VWF: variants seen among roughly 807,000 people sequenced by gnomAD.
VWF encodes the protein Factor VIII related antigen.
A neutral mutation model predicts 308.6 loss-of-function variants in VWF; 176 were observed. That is an observed-to-expected ratio of 0.57 (90% CI 0.50 to 0.65). The LOEUF is 0.65. VWF is among the 30% of genes least tolerant of loss of function. VWF has a pLI of 0.00. For missense variants in VWF, 3,146 were observed against 3,648.2 expected (o/e 0.86, Z 3.55); for synonymous variants, 1,385 against 1,443.4 (o/e 0.96, Z 0.92).
chr12:6,079,082 A>C (rs1226507196), intron 6 of VWF, among the ~76,000 whole-genome samples: 1 of 152,202 alleles, frequency 6.6e-6, no homozygotes, highest in South Asian at 2.1e-4. Context: ...CAAAAGATAA[A>C]GTCTGTCCTC....
intron 6 of VWF, among the ~76,000 whole-genome samples, chr12:6,092,975 C>T (rs1380523715): frequency 6.6e-6 from 1 of 151,914 alleles, no homozygotes; most frequent in East Asian, 1.9e-4. Flanking sequence ...TCTATTCCAC[C>T]CCTTTCTCCC....
At chr12:6,059,474 T>C (rs946980582) in intron 13 of VWF, among the ~76,000 whole-genome samples, 1 of 152,200 alleles carries the variant, frequency 6.6e-6, no homozygotes. Flanking sequence ...CTGCGTGGCT[T>C]ATAGACAACT....
intron 18 of VWF, among the ~76,000 whole-genome samples, chr12:6,042,268 C>T (rs948441667): frequency 6.6e-6 from 1 of 152,098 alleles, no homozygotes; most frequent in Non-Finnish European, 1.5e-5. Flanking sequence ...CAGAAGAATG[C>T]AGAATCCGTG....
At chr12:5,991,773 C>T in intron 38 of VWF, 46 bp downstream of exon 38, 1 of 1,605,794 alleles carries the variant, frequency 6.2e-7, no homozygotes, top group Non-Finnish European at 8.5e-7. Flanking sequence ...CCTTTTGACC[C>T]AAGAGGGAAG....
chr12:6,061,792 G>A (rs1252481152), intron 13 of VWF, among the ~76,000 whole-genome samples: 1 of 152,194 alleles, frequency 6.6e-6, no homozygotes, highest in Non-Finnish European at 1.5e-5. Context: ...GACGCTATTT[G>A]CCTTTTCCCT....
At chr12:5,952,219 G>A in intron 49 of VWF, 172 bp downstream of exon 49, 1 of 971,700 alleles carries the variant, frequency 1.0e-6, no homozygotes, top group Non-Finnish European at 1.6e-6. Context: ...ATATTGCAGA[G>A]AATTTTATCT....
At chr12:6,087,853 C>T (rs1294459358) in intron 6 of VWF, among the ~76,000 whole-genome samples, 7 of 152,062 alleles carry the variant, frequency 4.6e-5, no homozygotes, top group East Asian at 1.9e-4. Context: ...AGACAGCTGT[C>T]GGAGGTTGCT....
chr12:6,064,629 C>T (rs1163490241), intron 11 of VWF, among the ~76,000 whole-genome samples: 3 of 152,204 alleles, frequency 2.0e-5, no homozygotes. Context: ...TTATAAAGAA[C>T]CATGGGCCTC....
At position 6,057,949 on chromosome 12, in the gene VWF, C is replaced by A; in HGVS notation, c.1629G>T (p.Glu543Asp). 1 of 1,613,738 alleles carries A rather than the reference C, an allele frequency of 6.2e-7. No homozygotes were observed. Among genetic ancestry groups the A allele is most frequent in the Non-Finnish European group, 8.5e-7 (1 of 1,180,030 alleles). ...DDFLTPSGLA[E>D]PRVEDFGNAW... The stretch of plus-strand genomic sequence containing the variant: ...CGTTCCCGAAGTCCTCCACCCGGGG[C>A]TCCGCCAGCCCAGAGGGGGTAAGGA... Residue 543 changes from glutamate (E) to aspartate (D), a missense_variant, in exon 14 of 52, where the codon GAG becomes GAT. Physicochemically the swap from Glu to Asp is conservative, Grantham distance 45 (BLOSUM62 2). This residue lies in a region of VWF where 1,304 missense variants were observed against 1,353.0 expected (regional missense o/e 0.96). Coordinates refer to ENST00000261405, the MANE Select transcript of VWF (RefSeq NM_000552.5).
At position 6,019,739 on chromosome 12, in the gene VWF, A is replaced by G. The variant is rs61749366; in HGVS notation, c.3679T>C (p.Cys1227Arg). 6.2e-7 allele frequency: 1 copy of G among 1,612,164 alleles called. No homozygotes were observed. The highest frequency in any genetic ancestry group is 8.5e-7 in the Non-Finnish European group (1 of 1,179,172). The part of the protein sequence containing the change: ...SDPEHCQICH[C>R]DVVNLTCEAC... ...TCACAGGTGAGGTTGACAACATCAC[A>G]GTGGCTGCAGAAAAGAGCGAAGAAA... is the stretch of plus-strand genomic sequence containing the variant. The change falls in exon 28 of 52, where the codon TGT becomes CGT. Residue 1227 changes from cysteine (C) to arginine (R), a missense_variant. By Grantham distance (180) the Cys-to-Arg change is radical. Around this residue, in one of 3 missense-constraint regions of VWF, gnomAD observed 853 missense variants for 1,177.8 expected, o/e 0.72. Transcript: ENST00000261405. The surrounding 1 kb of genome is among the most constrained non-coding windows in gnomAD (Gnocchi z 5.8).
intron 5 of VWF, among the ~76,000 whole-genome samples, chr12:6,103,313 C>T (rs1185015200): frequency 3.3e-5 from 5 of 150,262 alleles, no homozygotes; most frequent in South Asian, 4.2e-4. Context: ...GGCAACAGAG[C>T]GAGACTCCGT....
At chr12:5,985,730 G>A in intron 38 of VWF, 65 bp from the exon 39 acceptor site, 1 of 1,493,730 alleles carries the variant, frequency 6.7e-7, no homozygotes, top group South Asian at 1.2e-5. Context: ...AGAATTCACA[G>A]AGGTCAGCTC....
At chr12:5,973,547 C>A (rs139212208) in intron 43 of VWF, among the ~76,000 whole-genome samples, 5 of 152,292 alleles carry the variant, frequency 3.3e-5, no homozygotes, top group Admixed American at 6.5e-5. Flanking sequence ...CTGGCCCTTG[C>A]AACACTGGAG....
chr12:6,029,398 A>G lies in VWF; in HGVS notation c.2911T>C (p.Ser971Pro). 1 of 1,614,180 alleles carries G rather than the reference A, an allele frequency of 6.2e-7. No homozygotes were observed. Among genetic ancestry groups the G allele is most frequent in the Non-Finnish European group, 8.5e-7 (1 of 1,180,028 alleles). The change falls in exon 22 of 52, where the codon TCC (serine) becomes CCC (proline). Residue 971 changes from serine to proline, a missense_variant. Ser to Pro is a moderately conservative substitution (Grantham distance 74). Coordinates refer to ENST00000261405, the MANE Select transcript of VWF (RefSeq NM_000552.5). ...YIILLLGKALSVVWDRHLSIS... is the reference protein window; with the variant it reads ...YIILLLGKALPVVWDRHLSIS... ...CTCAGGTGGCGGTCCCAGACCACGG[A>G]GAGGGCTTTGCCCAGCAGCAGAATG...
chr12:5,965,852 G>A (rs1943395947), intron 47 of VWF, among the ~76,000 whole-genome samples: 1 of 152,216 alleles, frequency 6.6e-6, no homozygotes, highest in Non-Finnish European at 1.5e-5. Flanking sequence ...TGCATAGAGG[G>A]AGGGCGAATC....
At chr12:6,116,591 A>G (rs935760308) in intron 3 of VWF, among the ~76,000 whole-genome samples, 3 of 152,176 alleles carry the variant, frequency 2.0e-5, no homozygotes, top group African/African-American at 7.2e-5. Context: ...GGCAGGTATG[A>G]GAGCCAGATC....
At chr12:6,026,084 C>T (rs1258452858) in intron 22 of VWF, 38 bp from the exon 23 acceptor site, 1 of 1,613,656 alleles carries the variant, frequency 6.2e-7, no homozygotes, top group Non-Finnish European at 8.5e-7. Flanking sequence ...CCGTCAAGCC[C>T]AGGAGCATGC....
chr12:6,058,152 AC>A lies in VWF; in HGVS notation c.1534-109del. ...AAAAAAAAAAAGTTCCCCGGGTGAA[AC>A]ATAAATATGAATGTAATAAAAGGCA... On this transcript the variant is annotated intron_variant, in intron 13 of 51. Transcript: ENST00000261405. The surrounding 1 kb of genome is among the most constrained non-coding windows in gnomAD (Gnocchi z 4.9). The A allele has an allele frequency of 3.1e-6, 4 of 1,309,422 alleles. No individual in the cohort carries two copies. Among genetic ancestry groups the A allele is most frequent in the Non-Finnish European group, 4.2e-6 (4 of 955,266 alleles). 81.1% of individuals were successfully genotyped at this position (1,309,422 alleles called of 1,614,324 possible).
intron 34 of VWF, among the ~76,000 whole-genome samples, chr12:5,997,531 T>C (rs1202764436): frequency 6.6e-6 from 1 of 152,218 alleles, no homozygotes; most frequent in Admixed American, 6.5e-5. Context: ...TACTTAACTT[T>C]ACTGATCCTC....
Sources: allele counts gnomAD v4.1 joint callset (sites outside exome capture counted in the v4.1 genomes callset), GRCh38; gene constraint gnomAD v4.1.1; regional missense constraint gnomAD v4.1.1; non-coding constraint Gnocchi (gnomAD v3.1); transcripts MANE v1.5; gene names NCBI Gene and HGNC (gene_info 2026-07-23, HGNC 2026-07-21).